Variants in UHRF1 observed in about 807,000 individuals in gnomAD.
The protein encoded by UHRF1 is E3 ubiquitin-protein ligase UHRF1.
A neutral mutation model predicts 96.5 loss-of-function variants in UHRF1; 9 were observed. The ratio of observed to expected loss-of-function variants is 0.09; its 90% CI spans 0.06 to 0.16. The LOEUF (loss-of-function observed/expected upper bound fraction) is 0.16, where lower values mean the gene tolerates loss of function less well. Ranked by LOEUF, UHRF1 falls within the 10% of genes least tolerant of loss-of-function variation. The probability of loss-of-function intolerance (pLI) is 1.00; values close to 1 mark genes in which losing one functional copy is unlikely to be tolerated. For synonymous variants in UHRF1, 455 were observed against 469.9 expected (o/e 0.97, Z 0.41); for missense variants, 626 against 1,131.1 (o/e 0.55, Z 6.40).
Position 4,956,631 on chromosome 19 carries a change from A to G in UHRF1, c.2131-78A>G. On this transcript the variant is annotated intron_variant, in intron 15 of 16. Transcript: ENST00000650932. The stretch of plus-strand genomic sequence containing the variant: ...GGACAGAATTAGAGGACCCAGGTAC[A>G]TGCTCAGCAGGAAGCCACTGATCTG... 7 of 873,714 alleles carry G rather than the reference A, an allele frequency of 8.0e-6. No individual in the cohort carries two copies. In the South Asian group the frequency reaches 1.0e-4, roughly 12 times the overall value. The allele number at this position is 873,714 out of a possible 1,614,324, so 54.1% of individuals were successfully genotyped here.
Position 4,909,557 on chromosome 19 carries a change from G to T in UHRF1, c.-109G>T, listed in dbSNP as rs1359982970. The T allele has an allele frequency of 3.0e-6, 2 of 658,508 alleles. No homozygotes were observed. Among genetic ancestry groups the T allele is most frequent in the East Asian group, 3.2e-5 (1 of 31,132 alleles). The allele number at this position is 658,508 out of a possible 1,614,324, so 40.8% of individuals were successfully genotyped here. A position where few individuals can be genotyped will look rare whatever the true frequency, so the allele number is the denominator to read the frequency against. ...GCCGAGCGGGCGCTCCGGGTCGCACGCAAGTCCGCGCGGGGTCCGGGCCAC... is the reference window on the plus strand; with the variant it reads ...GCCGAGCGGGCGCTCCGGGTCGCACTCAAGTCCGCGCGGGGTCCGGGCCAC... On this transcript the variant is annotated 5_prime_UTR_variant, in exon 1 of 17. Coordinates refer to ENST00000650932, the MANE Select transcript of UHRF1 (RefSeq NM_001048201.3).
chr19:4,932,226 C>T (rs546332920), intron 4 of UHRF1, among the ~76,000 whole-genome samples: 6 of 152,282 alleles, frequency 3.9e-5, no homozygotes, highest in Admixed American at 3.9e-4. Context: ...CCCGGCCATG[C>T]CTGGCTAATT....
chr19:4,941,969 G>T (rs760338500), intron 7 of UHRF1, 38 bp downstream of exon 7: 1 of 1,442,768 alleles, frequency 6.9e-7, no homozygotes, highest in South Asian at 1.5e-5. Context: ...AGACCAGAGC[G>T]CCCCCTACAA....
chr19:4,930,955 G>C lies in UHRF1; in HGVS notation c.569+79G>C. ...CTTGGCTGCGGGTGTTCAGGCCAGA[G>C]CTTGGCACTGTCTCGAGATGGTGAT... On this transcript the variant is annotated intron_variant, in intron 4 of 16. Coordinates refer to ENST00000650932, the MANE Select transcript of UHRF1 (RefSeq NM_001048201.3). The surrounding 1 kb of genome is among the most constrained non-coding windows in gnomAD (Gnocchi z 4.4). The C allele has an allele frequency of 6.4e-7, 1 of 1,567,646 alleles. No individual in the cohort carries two copies. Among genetic ancestry groups the C allele is most frequent in the Non-Finnish European group, 8.7e-7 (1 of 1,149,348 alleles).
chr19:4,929,154 A>G (rs1968420389), intron 2 of UHRF1, 68 bp from the exon 3 acceptor site: 5 of 1,557,574 alleles, frequency 3.2e-6, no homozygotes, highest in Non-Finnish European at 3.5e-6. Context: ...TTGGTTCATC[A>G]CTGGTGCCCA....
intron 2 of UHRF1, among the ~76,000 whole-genome samples, chr19:4,928,335 G>A (rs1005972538): frequency 6.6e-6 from 1 of 151,902 alleles, no homozygotes; most frequent in Non-Finnish European, 1.5e-5. Context: ...CAGGAGGGGG[G>A]GGTCCTAGAT....
At chr19:4,952,957 C>T (rs2033758047) in intron 13 of UHRF1, among the ~76,000 whole-genome samples, 1 of 152,068 alleles carries the variant, frequency 6.6e-6, no homozygotes, top group Admixed American at 6.6e-5. Flanking sequence ...CGCTTGCAGT[C>T]CAGACCCATA....
rs1357448779 is a variant in UHRF1, at chr19:4,947,200, C to G, written c.1506C>G (p.Thr502=). 2 of 1,613,792 alleles carry G rather than the reference C, an allele frequency of 1.2e-6. No homozygotes were observed. Among genetic ancestry groups the G allele is most frequent in the South Asian group, 2.2e-5 (2 of 91,078 alleles). Residue 502 remains threonine, a synonymous_variant, in exon 11 of 17, where the codon ACC becomes ACG. Coordinates refer to ENST00000650932, the MANE Select transcript of UHRF1 (RefSeq NM_001048201.3). ...TAEQSCDQKL[T]NTNRALALNC... ...AACAGTCTTGTGATCAGAAACTCAC[C>G]AACACCAACAGGTTTGTGGAATCAG... is the stretch of plus-strand genomic sequence containing the variant.
chr19:4,951,812 C>T (rs1050772960), intron 13 of UHRF1, among the ~76,000 whole-genome samples: 3 of 152,024 alleles, frequency 2.0e-5, no homozygotes, highest in East Asian at 1.9e-4. Flanking sequence ...CTCCCTGTGG[C>T]GATGGGAACT....
chr19:4,944,600 T>C (rs1414366492), intron 9 of UHRF1, 150 bp downstream of exon 9: 2 of 813,774 alleles, frequency 2.5e-6, no homozygotes, highest in Admixed American at 4.7e-5. Context: ...GCCTGCAGGT[T>C]TGGGTTTACT....
At position 4,929,232 on chromosome 19, in the gene UHRF1, G is replaced by A. The variant is rs752332324; in HGVS notation, c.164G>A (p.Gly55Asp). The change falls in exon 3 of 17, where the codon GGC (glycine) becomes GAC (aspartate). Residue 55 changes from glycine (G) to aspartate (D), a missense_variant. Gly to Asp is a moderately conservative substitution (Grantham distance 94). This residue lies in a region of UHRF1 where 53 missense variants were observed against 95.9 expected (regional missense o/e 0.55). Transcript: ENST00000650932. ...LFYRGKQMED[G>D]HTLFDYEVRL... Reference sequence around the variant, plus strand: ...CTGGTGTCCCTGCAGATGGAGGACGGCCATACCCTCTTCGACTACGAGGTC... The same window carrying A: ...CTGGTGTCCCTGCAGATGGAGGACGACCATACCCTCTTCGACTACGAGGTC... The A allele has an allele frequency of 1.9e-6, 3 of 1,613,368 alleles. No individual in the cohort carries two copies. Among genetic ancestry groups the A allele is most frequent in the African/African-American group, 1.3e-5 (1 of 75,056 alleles).
chr19:4,922,513 C>T (rs1023304676), intron 2 of UHRF1, among the ~76,000 whole-genome samples: 5 of 152,066 alleles, frequency 3.3e-5, no homozygotes, highest in South Asian at 2.1e-4. Flanking sequence ...GTGATCCATC[C>T]GCCCTCGGCC....
At chr19:4,943,501 CCT>C (rs1491589128) in intron 7 of UHRF1, among the ~76,000 whole-genome samples, 2,170 of 141,674 alleles carry the variant, frequency 0.015, 80 homozygotes, top group African/African-American at 0.056. Flanking sequence ...CCCTGCCCCC[CCT>C]CCCCACATCG....
intron 5 of UHRF1, among the ~76,000 whole-genome samples, chr19:4,939,130 C>T (rs2033308402): frequency 6.6e-6 from 1 of 150,938 alleles, no homozygotes. Flanking sequence ...GTTGGCCAGG[C>T]TGGTCTTGAA....
At position 4,935,072 on chromosome 19, in the gene UHRF1, C is replaced by G. The variant is rs1358722273; in HGVS notation, c.785+2116C>G. 3.3e-5 allele frequency among the ~76,000 whole-genome samples: 5 copies of G among 152,040 alleles called. No homozygotes were observed. The East Asian group carries it at 9.6e-4, about 29-fold the overall frequency. ...TACTGCAACCTCCACCTCCCGGGTT[C>G]AAGGGATCCTCCTGCCTCACCCTCC... On this transcript the variant is annotated intron_variant, in intron 5 of 16. Transcript: ENST00000650932.
At chr19:4,949,544 G>A (rs934433654) in intron 11 of UHRF1, among the ~76,000 whole-genome samples, 11 of 151,584 alleles carry the variant, frequency 7.3e-5, no homozygotes, top group African/African-American at 2.7e-4. Context: ...AAAAAGACAT[G>A]GGCCATGGGT....
intron 2 of UHRF1, 138 bp from the exon 3 acceptor site, chr19:4,929,084 A>G: frequency 8.0e-7 from 1 of 1,247,884 alleles, no homozygotes; most frequent in Non-Finnish European, 1.1e-6. Flanking sequence ...TGGCCCAGGT[A>G]TCATGGCTCT....
At chr19:4,904,884 G>A (rs1418784556), upstream of UHRF1, among the ~76,000 whole-genome samples, 1 of 152,182 alleles carries the variant, frequency 6.6e-6, no homozygotes, top group East Asian at 1.9e-4. Flanking sequence ...ATGGTCTGGT[G>A]CCTGAGAGGG....
chr19:4,931,453 T>C (rs1171231016), intron 4 of UHRF1, among the ~76,000 whole-genome samples: 2 of 151,864 alleles, frequency 1.3e-5, no homozygotes, highest in Non-Finnish European at 2.9e-5. Context: ...ATGTTTGTAT[T>C]TTTATTTTAT....
Sources: gnomAD v4.1 joint callset for allele counts (sites outside exome capture counted in the v4.1 genomes callset) on GRCh38, gnomAD v4.1.1 for gene constraint, gnomAD v4.1.1 regional missense constraint, Gnocchi (gnomAD v3.1) non-coding constraint, MANE v1.5 for transcripts, NCBI Gene and HGNC (gene_info 2026-07-23, HGNC 2026-07-21) for gene names.